Variants in RIC1 observed in about 807,000 individuals in gnomAD.
RIC1 encodes the protein guanine nucleotide exchange factor subunit RIC1.
Under a neutral mutation model 169.0 loss-of-function variants are expected in RIC1, and 88 were observed. The ratio of observed to expected loss-of-function variants is 0.52; its 90% CI spans 0.44 to 0.62. RIC1 has a LOEUF of 0.62. Ranked by LOEUF, RIC1 falls within the 20% of genes least tolerant of loss-of-function variation. RIC1 has a pLI of 0.00. For missense variants in RIC1, 1,877 were observed against 1,725.5 expected (o/e 1.09, Z -1.56); for synonymous variants, 790 against 601.5 (o/e 1.31, Z -4.59).
intron 1 of RIC1, among the ~76,000 whole-genome samples, chr9:5,638,033 G>C (rs767633745): frequency 7.9e-5 from 12 of 152,032 alleles, no homozygotes; most frequent in Admixed American, 7.2e-4. Flanking sequence ...TCTATACCCA[G>C]TTTTTTTAGG....
chr9:5,701,995 A>C (rs1253655855), intron 3 of RIC1, among the ~76,000 whole-genome samples: 2 of 152,214 alleles, frequency 1.3e-5, no homozygotes, highest in African/African-American at 2.4e-5. Flanking sequence ...AAGGCCTCCA[A>C]GGGGACACTC....
At chr9:5,650,530 T>C (rs540631139) in intron 1 of RIC1, among the ~76,000 whole-genome samples, 44 of 151,910 alleles carry the variant, frequency 2.9e-4, no homozygotes, top group Non-Finnish European at 5.0e-4. Context: ...TTGGTGTCGG[T>C]GTCAGTAGCC....
chr9:5,714,654 A>T (rs1395768075), intron 4 of RIC1, among the ~76,000 whole-genome samples: 1 of 152,204 alleles, frequency 6.6e-6, no homozygotes, highest in Non-Finnish European at 1.5e-5. Context: ...CTTTATGGAA[A>T]AAAATCTTTC....
In RIC1 at chr9:5,756,347, T is replaced by C. The variant is rs1563708972; in HGVS notation, c.1828T>C (p.Tyr610His). The change falls in exon 16 of 26, where the codon TAC (tyrosine) becomes CAC (histidine). Residue 610 changes from tyrosine to histidine, a missense_variant. Around this residue, in one of 3 missense-constraint regions of RIC1, gnomAD observed 1,104 missense variants for 992.0 expected, o/e 1.11. Transcript: ENST00000414202. ...TAGAGCAGACTGTTCAATATGCCTT[T>C]ACAGTATTGAAAGAAAATCTGATGG... ...VFRADCSICL[Y>H]SIERKSDGPN... is the part of the protein sequence containing the mutation. 6.5e-7 allele frequency: 1 copy of C among 1,530,810 alleles called. No individual in the cohort carries two copies. The highest frequency in any genetic ancestry group is 8.9e-7 in the Non-Finnish European group (1 of 1,129,742). The allele number at this position is 1,530,810 out of a possible 1,614,324, so 94.8% of individuals were successfully genotyped here.
intron 2 of RIC1, among the ~76,000 whole-genome samples, chr9:5,682,388 T>C (rs1820905042): frequency 1.3e-5 from 2 of 152,308 alleles, no homozygotes; most frequent in South Asian, 4.1e-4. Flanking sequence ...TGCCTGTCTG[T>C]AAAGGATTTT....
intron 2 of RIC1, among the ~76,000 whole-genome samples, chr9:5,666,038 T>A (rs924357653): frequency 2.0e-4 from 31 of 152,116 alleles, no homozygotes; most frequent in Admixed American, 6.5e-5. Flanking sequence ...TTGAGAAGCC[T>A]GAATGCCAGT....
intron 6 of RIC1, among the ~76,000 whole-genome samples, chr9:5,727,976 G>C (rs1824104442): frequency 6.6e-6 from 1 of 152,220 alleles, no homozygotes; most frequent in African/African-American, 2.4e-5. Context: ...CTCCCAGTTA[G>C]GCTACTTATG....
At chr9:5,642,698 G>T (rs541530001) in intron 1 of RIC1, among the ~76,000 whole-genome samples, 1 of 134,638 alleles carries the variant, frequency 7.4e-6, no homozygotes, top group South Asian at 2.2e-4. Context: ...AGTGGGTTCT[G>T]CCTGGCCACT....
intron 10 of RIC1, 106 bp downstream of exon 10, chr9:5,743,843 C>A (rs1825221333): frequency 7.4e-6 from 6 of 806,070 alleles, no homozygotes; most frequent in East Asian, 5.1e-5. Context: ...CAGGGTCTTA[C>A]ACTGTCACCC....
At chr9:5,765,913 T>A in intron 21 of RIC1, 115 bp downstream of exon 21, 6 of 1,311,310 alleles carry the variant, frequency 4.6e-6, no homozygotes, top group Non-Finnish European at 6.3e-6. Flanking sequence ...TTGCAGTTTC[T>A]TTTTCCATTC....
At chr9:5,766,337 G>C (rs1826749871) in intron 21 of RIC1, among the ~76,000 whole-genome samples, 1 of 152,064 alleles carries the variant, frequency 6.6e-6, no homozygotes, top group African/African-American at 2.4e-5. Context: ...CACCCTACCT[G>C]GCCAAATGCT....
chr9:5,697,962 T>A (rs1339226376), intron 3 of RIC1, among the ~76,000 whole-genome samples: 5 of 152,244 alleles, frequency 3.3e-5, no homozygotes, highest in Non-Finnish European at 5.9e-5. Flanking sequence ...AGGGAAGTTT[T>A]GTAGATAAGG....
intron 8 of RIC1, among the ~76,000 whole-genome samples, chr9:5,739,530 C>G (rs1432237291): frequency 6.6e-6 from 1 of 152,164 alleles, no homozygotes; most frequent in African/African-American, 2.4e-5. Flanking sequence ...CTCAACCTCA[C>G]CTCTAGAGGC....
rs562260474 is a variant in RIC1, at chr9:5,775,246, C to G, written c.*1000C>G. ...AAAGATGGACTTCTATGTAAATAGA[C>G]TGCTGAATCCTGTATTACCACGGCT... is the stretch of plus-strand genomic sequence containing the variant. On this transcript the variant is annotated 3_prime_UTR_variant, in exon 26 of 26. Coordinates refer to ENST00000414202, the MANE Select transcript of RIC1 (RefSeq NM_020829.4). The G allele has an allele frequency of 6.6e-5, 10 of 152,300 alleles. No homozygotes were observed. The East Asian group carries it at 1.2e-3, about 18-fold the overall frequency. The allele number at this position is 152,300 out of a possible 1,614,324, so 9.4% of individuals were successfully genotyped here.
chr9:5,634,312 C>T (rs1420045612), intron 1 of RIC1, among the ~76,000 whole-genome samples: 3 of 152,138 alleles, frequency 2.0e-5, no homozygotes, highest in African/African-American at 4.8e-5. Flanking sequence ...TTCTGTTTTC[C>T]ATCATGACTG....
chr9:5,684,019 C>G (rs576570274), intron 2 of RIC1, among the ~76,000 whole-genome samples: 35 of 152,218 alleles, frequency 2.3e-4, no homozygotes, highest in African/African-American at 6.7e-4. Flanking sequence ...GTGGGAGTGA[C>G]TCGATTTTCC....
At chr9:5,767,497 A>G (rs952002739) in intron 21 of RIC1, among the ~76,000 whole-genome samples, 3 of 141,692 alleles carry the variant, frequency 2.1e-5, no homozygotes, top group Non-Finnish European at 4.6e-5. Context: ...TTTTTTCCCC[A>G]GGACAACATG....
At chr9:5,649,326 C>T (rs1411068938) in intron 1 of RIC1, among the ~76,000 whole-genome samples, 1 of 152,130 alleles carries the variant, frequency 6.6e-6, no homozygotes, top group Admixed American at 6.5e-5. Flanking sequence ...CCTTCTGTAA[C>T]ACCAAAAATT....
chr9:5,634,174 T>C (rs1449047709), intron 1 of RIC1, among the ~76,000 whole-genome samples: 2 of 152,200 alleles, frequency 1.3e-5, no homozygotes, highest in Non-Finnish European at 2.9e-5. Flanking sequence ...TTGGCTACTT[T>C]GAATAATGCT....
Sources: allele counts gnomAD v4.1 joint callset (sites outside exome capture counted in the v4.1 genomes callset), GRCh38; gene constraint gnomAD v4.1.1; regional missense constraint gnomAD v4.1.1; transcripts MANE v1.5; gene names NCBI Gene and HGNC (gene_info 2026-07-23, HGNC 2026-07-21).